HS6ST3: variants seen among roughly 807,000 people sequenced by gnomAD.
The protein encoded by HS6ST3 is heparan sulfate 6-O-sulfotransferase 3.
HS6ST3 carries 12 observed loss-of-function variants against 36.7 expected under a neutral mutation model. The ratio of observed to expected loss-of-function variants is 0.33; its 90% CI spans 0.21 to 0.53. The LOEUF is 0.53. Among genes scored for constraint, HS6ST3 ranks in the 20% least tolerant of loss-of-function variants. The probability of loss-of-function intolerance (pLI) is 0.95; values close to 1 mark genes in which losing one functional copy is unlikely to be tolerated. For missense variants in HS6ST3, 584 were observed against 640.9 expected, an observed-to-expected ratio of 0.91 and a Z score of 0.96; for synonymous variants, 240 against 257.5, an observed-to-expected ratio of 0.93 and a Z score of 0.65.
intron 1 of HS6ST3, among the ~76,000 whole-genome samples, chr13:96,469,834 A>C (rs1338196679): frequency 6.6e-6 from 1 of 152,122 alleles, no homozygotes; most frequent in East Asian, 1.9e-4. Flanking sequence ...ATCCCACTTA[A>C]GGGTCTGGGA....
At chr13:96,189,879 C>T (rs1165695796) in intron 1 of HS6ST3, among the ~76,000 whole-genome samples, 1 of 152,180 alleles carries the variant, frequency 6.6e-6, no homozygotes. Context: ...TGAAACCAAT[C>T]ACACGGCCAA....
intron 1 of HS6ST3, among the ~76,000 whole-genome samples, chr13:96,760,258 A>G (rs1265695902): frequency 6.6e-6 from 1 of 152,064 alleles, no homozygotes; most frequent in African/African-American, 2.4e-5. Context: ...CAATCTTCAG[A>G]TACAAGCATG....
chr13:96,780,434 G>T (rs1877498097), intron 1 of HS6ST3, among the ~76,000 whole-genome samples: 1 of 152,108 alleles, frequency 6.6e-6, no homozygotes, highest in Non-Finnish European at 1.5e-5. Context: ...TCCATATCCT[G>T]GGGTAGGGAA....
At chr13:96,216,343 C>T (rs563356578) in intron 1 of HS6ST3, among the ~76,000 whole-genome samples, 20 of 152,284 alleles carry the variant, frequency 1.3e-4, no homozygotes, top group African/African-American at 4.3e-4. Context: ...TAATATTCCA[C>T]TGAATGGGTG....
intron 1 of HS6ST3, among the ~76,000 whole-genome samples, chr13:96,559,499 A>G (rs2056254031): frequency 6.6e-6 from 1 of 152,186 alleles, no homozygotes; most frequent in Admixed American, 6.5e-5. Context: ...TTCCACTGAT[A>G]TCTAGCTGGT....
chr13:96,458,207 A>G (rs967209464), intron 1 of HS6ST3, among the ~76,000 whole-genome samples: 5 of 152,198 alleles, frequency 3.3e-5, no homozygotes, highest in African/African-American at 1.2e-4. Flanking sequence ...GCTCAAGGGT[A>G]ATGGTTGAAA....
At chr13:96,772,764 C>T (rs897884049) in intron 1 of HS6ST3, among the ~76,000 whole-genome samples, 6 of 152,204 alleles carry the variant, frequency 3.9e-5, no homozygotes, top group African/African-American at 1.4e-4. Context: ...TTGGCCAAAA[C>T]ATGGTCCTTC....
intron 1 of HS6ST3, among the ~76,000 whole-genome samples, chr13:96,545,528 G>C (rs2056194649): frequency 6.6e-6 from 1 of 152,186 alleles, no homozygotes; most frequent in Admixed American, 6.6e-5. Context: ...TCTACTTCCA[G>C]TGGAGATCAG....
chr13:96,716,995 C>T (rs1594843692), intron 1 of HS6ST3, among the ~76,000 whole-genome samples: 2 of 152,118 alleles, frequency 1.3e-5, no homozygotes, highest in African/African-American at 2.4e-5. Flanking sequence ...GACTGACAAT[C>T]GGGTCCATTA....
chr13:96,556,716 G>C (rs2056242312), intron 1 of HS6ST3, among the ~76,000 whole-genome samples: 1 of 152,154 alleles, frequency 6.6e-6, no homozygotes, highest in Non-Finnish European at 1.5e-5. Flanking sequence ...CAATACAGGT[G>C]AGGCAGTTTT....
rs956046081 is a variant in HS6ST3 at position 96,321,086 on chromosome 13, C to CT, written c.707+229527dup. Among the ~76,000 whole-genome samples, 39 of 147,476 alleles carry CT rather than the reference C, an allele frequency of 2.6e-4. No homozygotes were observed. The East Asian group carries it at 3.6e-3, about 13-fold the overall frequency. On this transcript the variant is annotated intron_variant, in intron 1 of 1. Transcript: ENST00000376705. ...CTGATTATGATGAATAATCAGCAGC[C>CT]TTTTTTTTTTACTTTGTCTAGTGAA...
At chr13:96,710,007 C>G (rs1236545316) in intron 1 of HS6ST3, among the ~76,000 whole-genome samples, 1 of 152,168 alleles carries the variant, frequency 6.6e-6, no homozygotes, top group Middle Eastern at 3.2e-3. Flanking sequence ...AATCTGCATC[C>G]TCAGTCCATG....
intron 1 of HS6ST3, among the ~76,000 whole-genome samples, chr13:96,188,418 C>T (rs144007143): frequency 6.9e-6 from 1 of 145,282 alleles, no homozygotes; most frequent in Non-Finnish European, 1.5e-5. Flanking sequence ...AGTTCAAGAT[C>T]GGCCTGAGCA....
At chr13:96,683,505 T>A (rs985363333) in intron 1 of HS6ST3, among the ~76,000 whole-genome samples, 1 of 152,102 alleles carries the variant, frequency 6.6e-6, no homozygotes, top group Non-Finnish European at 1.5e-5. Context: ...TTTAATACAT[T>A]TATAATTTAT....
At chr13:96,138,892 A>G (rs975919243) in intron 1 of HS6ST3, among the ~76,000 whole-genome samples, 2 of 152,174 alleles carry the variant, frequency 1.3e-5, no homozygotes, top group Non-Finnish European at 2.9e-5. Flanking sequence ...AAAAAAATGA[A>G]GGAAACATCT....
chr13:96,449,095 G>C (rs2055714308), intron 1 of HS6ST3, among the ~76,000 whole-genome samples: 1 of 152,008 alleles, frequency 6.6e-6, no homozygotes, highest in African/African-American at 2.4e-5. Context: ...CTGAGTAGCT[G>C]ATACTACAGG....
Position 96,336,772 on chromosome 13 carries a change from T to G in HS6ST3, c.707+245203T>G, listed in dbSNP as rs144101179. Among the ~76,000 whole-genome samples the G allele has an allele frequency of 3.5e-3, 530 of 152,336 alleles. 7 individuals are homozygous for G. The highest frequency in any genetic ancestry group is 0.012 in the African/African-American group (511 of 41,576). ...CTAATATATTGGTATGGAAGAAAGATAATACTTTAGCTTTCTTATACTCTC... is the reference window on the plus strand; with the variant it reads ...CTAATATATTGGTATGGAAGAAAGAGAATACTTTAGCTTTCTTATACTCTC... On this transcript the variant is annotated intron_variant, in intron 1 of 1. Transcript: ENST00000376705.
intron 1 of HS6ST3, among the ~76,000 whole-genome samples, chr13:96,813,919 A>G (rs1844888143): frequency 6.6e-6 from 1 of 152,214 alleles, no homozygotes; most frequent in Non-Finnish European, 1.5e-5. Flanking sequence ...AGATGGTTGT[A>G]ACTTTCTCTT....
At position 96,574,054 on chromosome 13, in the gene HS6ST3, GA is replaced by G. The variant is rs1342638163; in HGVS notation, c.708-258435del. ...TGCTCTTTGTGACATGGAAGACAGGGAGGGACAAGTGGCTTCATGGCTGCAT... is the reference window on the plus strand; with the variant it reads ...TGCTCTTTGTGACATGGAAGACAGGGGGGACAAGTGGCTTCATGGCTGCAT... On this transcript the variant is annotated intron_variant, in intron 1 of 1. Transcript: ENST00000376705. The G allele has an allele frequency of 1.1e-5, 6 of 543,022 alleles. No individual in the cohort carries two copies. The East Asian group carries it at 3.1e-4, about 28-fold the overall frequency. The allele number at this position is 543,022 out of a possible 1,614,324, so 33.6% of individuals were successfully genotyped here.
Sources: gnomAD v4.1 joint callset for allele counts (sites outside exome capture counted in the v4.1 genomes callset) on GRCh38, gnomAD v4.1.1 for gene constraint, MANE v1.5 for transcripts, NCBI Gene and HGNC (gene_info 2026-07-23, HGNC 2026-07-21) for gene names.